The following COL9A1 variants were observed in gnomAD, a reference collection of about 807,000 sequenced individuals.
The protein encoded by COL9A1 is collagen type IX alpha 1 chain.
In COL9A1, 104 loss-of-function variants were observed where a neutral mutation model predicts 142.6. The observed-to-expected ratio is 0.73, with a 90% CI of 0.62 to 0.86. The LOEUF is 0.86. COL9A1 is among the 40% of genes least tolerant of loss of function. The probability of loss-of-function intolerance (pLI) is 0.00; values close to 1 mark genes in which losing one functional copy is unlikely to be tolerated. For synonymous variants in COL9A1, 466 were observed against 396.0 expected, an observed-to-expected ratio of 1.18 and a Z score of -2.10; for missense variants, 1,210 against 1,176.6, an observed-to-expected ratio of 1.03 and a Z score of -0.42.
chr6:70,292,511 A>C lies in COL9A1; in HGVS notation c.696+1656T>G, dbSNP rs184861762. Among the ~76,000 whole-genome samples the C allele has an allele frequency of 1.2e-4, 19 of 152,328 alleles. No homozygotes were observed. In the East Asian group the frequency reaches 3.5e-3, roughly 28 times the overall value. On this transcript the variant is annotated intron_variant, in intron 5 of 37. Transcript: ENST00000357250. ...ACTGTGATGTGAGAATAGAGTTGGC[A>C]GAAAAATCTACAATCAGCTCTGACA...
chr6:70,273,079 ATAT>A (rs961460412), intron 12 of COL9A1, among the ~76,000 whole-genome samples: 9 of 152,258 alleles, frequency 5.9e-5, no homozygotes, highest in South Asian at 2.1e-4. Context: ...ACTGATAATG[ATAT>A]TATTATTTCT....
chr6:70,252,479 G>C (rs753337430), intron 26 of COL9A1, among the ~76,000 whole-genome samples, 164 bp from the exon 27 acceptor site: 3 of 152,048 alleles, frequency 2.0e-5, no homozygotes, highest in African/African-American at 7.2e-5. Context: ...TAGATACATC[G>C]AAATCCTTTA....
intron 14 of COL9A1, among the ~76,000 whole-genome samples, chr6:70,270,690 A>G (rs890866638): frequency 6.6e-6 from 1 of 152,208 alleles, no homozygotes; most frequent in East Asian, 1.9e-4. Context: ...TTTCTGGTTG[A>G]TTTACAGAGG....
intron 26 of COL9A1, among the ~76,000 whole-genome samples, chr6:70,252,784 A>T (rs1023729267): frequency 3.3e-5 from 5 of 152,162 alleles, no homozygotes; most frequent in Admixed American, 6.5e-5. Flanking sequence ...ATGTCTGGAG[A>T]TGCCCTCTCC....
chr6:70,238,108 A>G (rs1770027428), intron 33 of COL9A1, among the ~76,000 whole-genome samples: 1 of 152,240 alleles, frequency 6.6e-6, no homozygotes, highest in Non-Finnish European at 1.5e-5. Flanking sequence ...AAAGAGTTTT[A>G]AACAGAGGAG....
chr6:70,263,156 C>G, intron 19 of COL9A1, 88 bp downstream of exon 19: 1 of 1,075,244 alleles, frequency 9.3e-7, no homozygotes, highest in Non-Finnish European at 1.4e-6. Flanking sequence ...GCTATTCATC[C>G]AACTGCTAAA....
intron 19 of COL9A1, among the ~76,000 whole-genome samples, chr6:70,261,505 C>T (rs1019784853): frequency 1.3e-5 from 2 of 152,200 alleles, no homozygotes; most frequent in Non-Finnish European, 2.9e-5. Flanking sequence ...AACCTGCTAA[C>T]TGTCCCCATT....
intron 5 of COL9A1, among the ~76,000 whole-genome samples, chr6:70,290,653 CT>C (rs1293760271): frequency 2.0e-5 from 3 of 151,992 alleles, no homozygotes; most frequent in African/African-American, 7.3e-5. Context: ...CATCAGTGAT[CT>C]ATCAAATGTG....
chr6:70,266,807 G>T (rs1772046853), intron 17 of COL9A1, 37 bp from the exon 18 acceptor site: 10 of 1,547,214 alleles, frequency 6.5e-6, no homozygotes, highest in Non-Finnish European at 8.9e-6. Context: ...CTTGAGTTTG[G>T]TACAGAAAGT....
chr6:70,256,058 T>C lies in COL9A1; in HGVS notation c.1504-668A>G, dbSNP rs1040337480. Among the ~76,000 whole-genome samples the C allele has an allele frequency of 2.0e-5, 3 of 152,180 alleles. No individual in the cohort carries two copies. The South Asian group carries it at 6.2e-4, about 32-fold the overall frequency. On this transcript the variant is annotated intron_variant, in intron 21 of 37. Transcript: ENST00000357250. Reference sequence around the variant, plus strand: ...CCACTCCAGGCAGTGACAGCCCCTATGACAGCACACATAACCCCATCACCA... The same window carrying C: ...CCACTCCAGGCAGTGACAGCCCCTACGACAGCACACATAACCCCATCACCA...
intron 12 of COL9A1, among the ~76,000 whole-genome samples, 187 bp from the exon 13 acceptor site, chr6:70,272,275 A>G (rs1420861353): frequency 1.3e-5 from 2 of 152,132 alleles, no homozygotes; most frequent in East Asian, 1.9e-4. Flanking sequence ...AGCTTATTTC[A>G]GCTCCTCTAA....
rs936305412 is a variant in COL9A1, at chr6:70,268,879, A to G, written c.1231-19T>C. 2.5e-6 allele frequency: 4 copies of G among 1,612,882 alleles called. No individual in the cohort carries two copies. Among genetic ancestry groups the G allele is most frequent in the African/African-American group, 2.7e-5 (2 of 74,908 alleles). On this transcript the variant is annotated intron_variant, in intron 16 of 37. Coordinates refer to ENST00000357250, the MANE Select transcript of COL9A1 (RefSeq NM_001851.6). Reference sequence around the variant, plus strand: ...TGGGACACTGCCAGGGAGAGAGGGAACAAAGAGAAAGAAAGACAGACAGAG... The same window carrying G: ...TGGGACACTGCCAGGGAGAGAGGGAGCAAAGAGAAAGAAAGACAGACAGAG...
chr6:70,238,523 C>T (rs1033879846), intron 33 of COL9A1, among the ~76,000 whole-genome samples: 3 of 152,124 alleles, frequency 2.0e-5, no homozygotes, highest in Admixed American at 6.5e-5. Flanking sequence ...CTTACTTCCC[C>T]AACTAGAACA....
intron 4 of COL9A1, among the ~76,000 whole-genome samples, chr6:70,296,415 A>G (rs1773852344): frequency 6.6e-6 from 1 of 152,116 alleles, no homozygotes; most frequent in Admixed American, 6.5e-5. Context: ...AATATTCAAT[A>G]TGGAGCTACA....
intron 28 of COL9A1, among the ~76,000 whole-genome samples, chr6:70,247,770 A>G (rs982675712): frequency 1.3e-5 from 2 of 152,182 alleles, no homozygotes; most frequent in African/African-American, 4.8e-5. Context: ...TCTCTTGTGT[A>G]TGTTTACATA....
At chr6:70,296,795 T>C (rs762348131) in intron 4 of COL9A1, among the ~76,000 whole-genome samples, 8 of 152,150 alleles carry the variant, frequency 5.3e-5, no homozygotes, top group Non-Finnish European at 1.0e-4. Context: ...GATTTTTATT[T>C]TTAATTAATG....
intron 37 of COL9A1, among the ~76,000 whole-genome samples, chr6:70,222,138 A>C (rs910420634): frequency 2.6e-5 from 4 of 152,204 alleles, no homozygotes; most frequent in Non-Finnish European, 5.9e-5. Flanking sequence ...TCAGGACATG[A>C]ATTTAAGAGT....
intron 20 of COL9A1, among the ~76,000 whole-genome samples, chr6:70,257,266 G>A (rs932610620): frequency 6.6e-6 from 1 of 151,850 alleles, no homozygotes; most frequent in African/African-American, 2.4e-5. Flanking sequence ...TCACCATGTT[G>A]GCCAGGATGG....
At chr6:70,301,354 T>A (rs1333858522) in intron 2 of COL9A1, among the ~76,000 whole-genome samples, 2 of 152,166 alleles carry the variant, frequency 1.3e-5, no homozygotes, top group Non-Finnish European at 2.9e-5. Flanking sequence ...GGCAGGTAGA[T>A]CACCTGAGGT....
Sources: allele counts gnomAD v4.1 joint callset (sites outside exome capture counted in the v4.1 genomes callset), GRCh38; gene constraint gnomAD v4.1.1; transcripts MANE v1.5; gene names NCBI Gene and HGNC (gene_info 2026-07-23, HGNC 2026-07-21).